GALNTL6: variants seen among roughly 807,000 people sequenced by gnomAD.
GALNTL6 encodes polypeptide N-acetylgalactosaminyltransferase-like 6.
In GALNTL6, 46 loss-of-function variants were observed where a neutral mutation model predicts 73.7. That is an observed-to-expected ratio of 0.62 (90% confidence interval 0.49 to 0.80). The LOEUF (loss-of-function observed/expected upper bound fraction) is 0.80, where lower values mean the gene tolerates loss of function less well. GALNTL6 is among the 30% of genes least tolerant of loss of function. The pLI, the probability that GALNTL6 is intolerant of heterozygous loss-of-function variation, is 0.00. For synonymous variants in GALNTL6, 259 were observed against 263.7 expected (o/e 0.98, Z 0.17); for missense variants, 604 against 755.0 (o/e 0.80, Z 2.34).
intron 5 of GALNTL6, among the ~76,000 whole-genome samples, chr4:172,632,124 T>C (rs888149483): frequency 1.3e-5 from 2 of 152,334 alleles, no homozygotes; most frequent in Non-Finnish European, 1.5e-5. Context: ...ATTAAACCAC[T>C]TTTCTTTATA....
At chr4:172,236,794 G>A (rs1415338684) in intron 3 of GALNTL6, among the ~76,000 whole-genome samples, 1 of 151,804 alleles carries the variant, frequency 6.6e-6, no homozygotes, top group African/African-American at 2.4e-5. Flanking sequence ...TGGGGGTTTG[G>A]TGTACATGTT....
At chr4:172,691,937 A>C (rs1224011348) in intron 5 of GALNTL6, among the ~76,000 whole-genome samples, 1 of 152,216 alleles carries the variant, frequency 6.6e-6, no homozygotes, top group Admixed American at 6.5e-5. Flanking sequence ...AATATGTGTA[A>C]ATCATTAAAA....
chr4:172,587,395 G>C (rs962082420), intron 5 of GALNTL6, among the ~76,000 whole-genome samples: 1 of 152,058 alleles, frequency 6.6e-6, no homozygotes, highest in Non-Finnish European at 1.5e-5. Context: ...TCCTTGCTTT[G>C]CAGTGTTGCT....
intron 5 of GALNTL6, among the ~76,000 whole-genome samples, chr4:172,406,709 A>G (rs536252482): frequency 2.0e-5 from 3 of 152,154 alleles, no homozygotes; most frequent in African/African-American, 7.2e-5. Context: ...TTACTAGGCT[A>G]AATTTGTCAT....
At chr4:172,528,559 A>G (rs1212044937) in intron 5 of GALNTL6, among the ~76,000 whole-genome samples, 2 of 150,978 alleles carry the variant, frequency 1.3e-5, no homozygotes, top group Non-Finnish European at 2.9e-5. Context: ...GTTAGCCAGG[A>G]TGGTCTCGAT....
intron 9 of GALNTL6, among the ~76,000 whole-genome samples, chr4:172,937,615 C>T (rs2111336952): frequency 6.6e-6 from 1 of 152,304 alleles, no homozygotes; most frequent in African/African-American, 2.4e-5. Flanking sequence ...CTTACTGTGC[C>T]AGTCAGTGTG....
At chr4:172,991,319 G>GA (rs1232569981) in intron 10 of GALNTL6, among the ~76,000 whole-genome samples, 1 of 151,986 alleles carries the variant, frequency 6.6e-6, no homozygotes, top group African/African-American at 2.4e-5. Flanking sequence ...AATATTACAT[G>GA]AAAATCTTGT....
intron 2 of GALNTL6, among the ~76,000 whole-genome samples, chr4:172,119,351 A>C (rs1458794051): frequency 6.6e-6 from 1 of 152,184 alleles, no homozygotes; most frequent in African/African-American, 2.4e-5. Context: ...AACACATTTG[A>C]AAAAACTGAA....
chr4:172,339,753 C>T (rs1310284772), intron 4 of GALNTL6, among the ~76,000 whole-genome samples: 2 of 152,172 alleles, frequency 1.3e-5, no homozygotes, highest in African/African-American at 4.8e-5. Flanking sequence ...AGGTGAGTCA[C>T]AAAGGAAAAC....
intron 2 of GALNTL6, among the ~76,000 whole-genome samples, chr4:171,883,653 CTT>C (rs796547805): frequency 6.9e-6 from 1 of 143,964 alleles, no homozygotes; most frequent in African/African-American, 2.5e-5. Context: ...CTTTTCTTTT[CTT>C]TTTTTTTTTT....
intron 5 of GALNTL6, among the ~76,000 whole-genome samples, chr4:172,632,683 C>T (rs62328839): frequency 0.029 from 4,415 of 152,190 alleles, 91 homozygotes; most frequent in Middle Eastern, 0.044. Flanking sequence ...TAACAAGGAG[C>T]CAAATGTTAA....
chr4:171,877,476 C>T (rs1393399016), intron 2 of GALNTL6, among the ~76,000 whole-genome samples: 2 of 152,186 alleles, frequency 1.3e-5, no homozygotes, highest in Non-Finnish European at 2.9e-5. Context: ...GACAGGCCTT[C>T]ATAGAAAGTG....
At chr4:172,949,681 G>A (rs1024900664) in intron 9 of GALNTL6, among the ~76,000 whole-genome samples, 28 of 152,064 alleles carry the variant, frequency 1.8e-4, no homozygotes, top group African/African-American at 5.8e-4. Context: ...AGGCCAACGC[G>A]GGTGGATCAT....
intron 5 of GALNTL6, among the ~76,000 whole-genome samples, chr4:172,724,985 A>G (rs1274378670): frequency 6.6e-6 from 1 of 152,084 alleles, no homozygotes; most frequent in East Asian, 1.9e-4. Flanking sequence ...ACAATTTTTC[A>G]CATGCAATGG....
At chr4:172,012,838 G>A (rs1741058789) in intron 2 of GALNTL6, among the ~76,000 whole-genome samples, 1 of 151,944 alleles carries the variant, frequency 6.6e-6, no homozygotes, top group Non-Finnish European at 1.5e-5. Flanking sequence ...CAAATTTTAA[G>A]TGTACAATGC....
At chr4:172,650,386 G>A (rs1740423327) in intron 5 of GALNTL6, among the ~76,000 whole-genome samples, 1 of 152,066 alleles carries the variant, frequency 6.6e-6, no homozygotes, top group Non-Finnish European at 1.5e-5. Context: ...AAATAAAAAA[G>A]CATAACAGAA....
At chr4:172,255,172 A>G (rs1000315446) in intron 3 of GALNTL6, among the ~76,000 whole-genome samples, 1 of 151,802 alleles carries the variant, frequency 6.6e-6, no homozygotes, top group South Asian at 2.1e-4. Context: ...CAAATACACA[A>G]TTATGCTATC....
intron 5 of GALNTL6, among the ~76,000 whole-genome samples, chr4:172,375,879 C>G (rs1052999034): frequency 1.3e-5 from 2 of 152,188 alleles, no homozygotes; most frequent in African/African-American, 2.4e-5. Flanking sequence ...TACCCGTGTC[C>G]TATAAAGATG....
intron 12 of GALNTL6, among the ~76,000 whole-genome samples, chr4:173,035,705 T>A (rs149871811): frequency 6.6e-6 from 1 of 152,214 alleles, no homozygotes; most frequent in Admixed American, 6.5e-5. Flanking sequence ...GAAGAGCTCA[T>A]TTCAGAGCCA....
Sources: allele counts gnomAD v4.1 joint callset (sites outside exome capture counted in the v4.1 genomes callset), GRCh38; gene constraint gnomAD v4.1.1; transcripts MANE v1.5; gene names NCBI Gene and HGNC (gene_info 2026-07-23, HGNC 2026-07-21).